The following CNOT4 variants were observed in gnomAD, a reference collection of about 807,000 sequenced individuals.
CNOT4 encodes CCR4-associated factor 4.
In CNOT4, 8 loss-of-function variants were observed where a neutral mutation model predicts 73.8. The ratio of observed to expected loss-of-function variants is 0.11; its 90% CI spans 0.06 to 0.20. The LOEUF is 0.20. CNOT4 is among the 10% of genes least tolerant of loss of function. The probability of loss-of-function intolerance (pLI) is 1.00; values close to 1 mark genes in which losing one functional copy is unlikely to be tolerated. For synonymous variants in CNOT4, 293 were observed against 321.1 expected, an observed-to-expected ratio of 0.91 and a Z score of 0.94; for missense variants, 564 against 883.4, an observed-to-expected ratio of 0.64 and a Z score of 4.58.
intron 1 of CNOT4, among the ~76,000 whole-genome samples, chr7:135,472,555 ATAT>A: frequency 9.6e-6 from 1 of 104,674 alleles, no homozygotes; most frequent in Non-Finnish European, 1.9e-5. Context: ...ATATATATAT[ATAT>A]AAAGTGATCC....
chr7:135,430,231 A>G (rs2129484916), intron 2 of CNOT4, among the ~76,000 whole-genome samples: 1 of 152,342 alleles, frequency 6.6e-6, no homozygotes, highest in Admixed American at 6.5e-5. Context: ...ACAAAGAAAT[A>G]CCCTTTATGA....
chr7:135,383,893 G>A (rs1428741798), intron 10 of CNOT4, among the ~76,000 whole-genome samples: 2 of 152,150 alleles, frequency 1.3e-5, no homozygotes, highest in Admixed American at 1.3e-4. Flanking sequence ...ATTTCAATGT[G>A]GTCTTCTTGA....
intron 1 of CNOT4, among the ~76,000 whole-genome samples, chr7:135,454,475 G>A (rs190162384): frequency 4.6e-5 from 7 of 151,094 alleles, no homozygotes; most frequent in Admixed American, 6.6e-5. Flanking sequence ...GCAATATGGC[G>A]AAACCCTATC....
intron 1 of CNOT4, among the ~76,000 whole-genome samples, chr7:135,464,064 A>G (rs2129486439): frequency 6.6e-6 from 1 of 151,362 alleles, no homozygotes; most frequent in Non-Finnish European, 1.5e-5. Context: ...GGTTACGAAG[A>G]AAAGGGAACA....
At chr7:135,486,209 C>A (rs1802708746) in intron 1 of CNOT4, among the ~76,000 whole-genome samples, 2 of 151,818 alleles carry the variant, frequency 1.3e-5, no homozygotes, top group African/African-American at 2.4e-5. Flanking sequence ...TAAAAAAAAT[C>A]TAACAGTAAA....
At chr7:135,487,582 C>T (rs764137096) in intron 1 of CNOT4, among the ~76,000 whole-genome samples, 3 of 151,712 alleles carry the variant, frequency 2.0e-5, no homozygotes, top group Non-Finnish European at 4.4e-5. Flanking sequence ...TCTTTCGAGT[C>T]GGTAAGAACA....
chr7:135,473,913 C>G (rs947511548), intron 1 of CNOT4, among the ~76,000 whole-genome samples: 35 of 151,980 alleles, frequency 2.3e-4, no homozygotes, highest in Non-Finnish European at 5.9e-5. Flanking sequence ...GGCTTTCTTT[C>G]CAGGGATGCT....
Position 135,393,952 on chromosome 7 carries a change from C to T in CNOT4, c.1593G>A (p.Gln531=), listed in dbSNP as rs1202465997. 6.2e-7 allele frequency: 1 copy of T among 1,611,438 alleles called. No individual in the cohort carries two copies. The highest frequency in any genetic ancestry group is 8.5e-7 in the Non-Finnish European group (1 of 1,177,906). The change falls in exon 10 of 12, where the codon CAG becomes CAA. Residue 531 remains glutamine, a synonymous_variant. Coordinates refer to ENST00000541284, the MANE Select transcript of CNOT4 (RefSeq NM_001190850.2). ...SNFLDLNLPP[Q]HNTGLGGIPV... ...GGATCCCTCCCAGACCTGTGTTGTG[C>T]TGTGGCGGGAGATTCAAGTCCAAGA...
In CNOT4 at chr7:135,395,748, C is replaced by G; in HGVS notation, c.1015G>C (p.Asp339His). The G allele has an allele frequency of 6.2e-7, 1 of 1,614,104 alleles. No homozygotes were observed. The highest frequency in any genetic ancestry group is 8.5e-7 in the Non-Finnish European group (1 of 1,180,010). Residue 339 changes from aspartate (D) to histidine (H), a missense_variant, in exon 9 of 12, where the codon GAC becomes CAC. Around this residue, in one of 10 missense-constraint regions of CNOT4, gnomAD observed 135 missense variants for 154.0 expected, o/e 0.88. Transcript: ENST00000541284. ...ATAGGGTTGGGATGGCGAAAATTGT[C>G]TGAGAATAACGACTGTGACTCTGTT... is the stretch of plus-strand genomic sequence containing the variant. Reference protein sequence around the residue: ...AVTESQSLFSDNFRHPNPIPS... With the variant: ...AVTESQSLFSHNFRHPNPIPS...
intron 10 of CNOT4, among the ~76,000 whole-genome samples, chr7:135,383,180 T>C (rs547356083): frequency 3.9e-5 from 6 of 152,306 alleles, no homozygotes; most frequent in South Asian, 4.1e-4. Flanking sequence ...AATCCAACTA[T>C]GTAAGAGCAG....
At chr7:135,370,098 T>G (rs1442576371) in intron 10 of CNOT4, among the ~76,000 whole-genome samples, 1 of 152,220 alleles carries the variant, frequency 6.6e-6, no homozygotes, top group Non-Finnish European at 1.5e-5. Context: ...TTAAATAGTT[T>G]ACACTCAAAT....
intron 1 of CNOT4, among the ~76,000 whole-genome samples, chr7:135,493,618 C>T (rs1474560300): frequency 6.6e-6 from 1 of 152,144 alleles, no homozygotes; most frequent in South Asian, 2.1e-4. Flanking sequence ...ACATGAGTAT[C>T]ACCTAGGAGA....
chr7:135,481,382 A>G (rs1416166639), intron 1 of CNOT4, among the ~76,000 whole-genome samples: 1 of 152,224 alleles, frequency 6.6e-6, no homozygotes, highest in African/African-American at 2.4e-5. Flanking sequence ...AACCACAATG[A>G]GATATTATCT....
intron 2 of CNOT4, among the ~76,000 whole-genome samples, chr7:135,429,010 G>C (rs902290735): frequency 3.3e-5 from 5 of 151,866 alleles, no homozygotes; most frequent in Non-Finnish European, 7.4e-5. Flanking sequence ...CACACATCTT[G>C]CTAATTCTGT....
intron 8 of CNOT4, among the ~76,000 whole-genome samples, chr7:135,396,802 GA>G (rs1225636753): frequency 2.6e-5 from 4 of 151,914 alleles, no homozygotes; most frequent in African/African-American, 9.7e-5. Context: ...TAAAAAACAC[GA>G]CTAGATTGCT....
At chr7:135,456,343 T>G (rs756551292) in intron 1 of CNOT4, among the ~76,000 whole-genome samples, 1 of 152,224 alleles carries the variant, frequency 6.6e-6, no homozygotes, top group Non-Finnish European at 1.5e-5. Context: ...ACCTCTGCTC[T>G]GATCTAAATC....
intron 1 of CNOT4, among the ~76,000 whole-genome samples, chr7:135,455,624 C>T (rs1275609350): frequency 6.6e-6 from 1 of 151,848 alleles, no homozygotes; most frequent in Non-Finnish European, 1.5e-5. Context: ...CCTGTAATCC[C>T]AGCACTTTTG....
At chr7:135,473,686 G>A (rs1186800038) in intron 1 of CNOT4, among the ~76,000 whole-genome samples, 4 of 152,050 alleles carry the variant, frequency 2.6e-5, no homozygotes, top group Non-Finnish European at 4.4e-5. Context: ...GAAGGAGGCC[G>A]CAGTGAGCCG....
At chr7:135,489,460 ATC>A (rs1802962609) in intron 1 of CNOT4, among the ~76,000 whole-genome samples, 1 of 132,212 alleles carries the variant, frequency 7.6e-6, no homozygotes, top group Non-Finnish European at 1.5e-5. Context: ...CAAGGGCGTG[ATC>A]TCAGCTCACT....
Sources: allele counts gnomAD v4.1 joint callset (sites outside exome capture counted in the v4.1 genomes callset), GRCh38; gene constraint gnomAD v4.1.1; regional missense constraint gnomAD v4.1.1; transcripts MANE v1.5; gene names NCBI Gene and HGNC (gene_info 2026-07-23, HGNC 2026-07-21).